Variants in NRXN3 observed in about 807,000 individuals in gnomAD.
The protein encoded by NRXN3 is neurexin 3.
NRXN3 carries 32 observed loss-of-function variants against 137.6 expected under a neutral mutation model. That is an observed-to-expected ratio of 0.23 (90% CI 0.18 to 0.31). The LOEUF (loss-of-function observed/expected upper bound fraction) is 0.31, where lower values mean the gene tolerates loss of function less well. Ranked by LOEUF, NRXN3 falls within the 10% of genes least tolerant of loss-of-function variation. The probability of loss-of-function intolerance (pLI) is 1.00; values close to 1 mark genes in which losing one functional copy is unlikely to be tolerated. For synonymous variants in NRXN3, 798 were observed against 784.5 expected (o/e 1.02, Z -0.29); for missense variants, 1,574 against 2,062.5 (o/e 0.76, Z 4.59).
chr14:78,882,169 A>C (rs994071098), intron 10 of NRXN3, among the ~76,000 whole-genome samples: 1 of 151,862 alleles, frequency 6.6e-6, no homozygotes, highest in African/African-American at 2.4e-5. Context: ...CTGGATGTCC[A>C]GGCAGAAGTC....
At chr14:79,617,690 C>T (rs1475021174) in intron 16 of NRXN3, among the ~76,000 whole-genome samples, 1 of 151,772 alleles carries the variant, frequency 6.6e-6, no homozygotes, top group Non-Finnish European at 1.5e-5. Context: ...TGACTAAAAC[C>T]AGTTGAGTTT....
At chr14:79,737,402 T>A (rs773977734) in intron 19 of NRXN3, among the ~76,000 whole-genome samples, 1 of 152,238 alleles carries the variant, frequency 6.6e-6, no homozygotes, top group South Asian at 2.1e-4. Context: ...AATTATCCAC[T>A]GTTAAATCTT....
At chr14:79,732,304 T>C (rs2154072730) in intron 19 of NRXN3, among the ~76,000 whole-genome samples, 1 of 152,260 alleles carries the variant, frequency 6.6e-6, no homozygotes, top group African/African-American at 2.4e-5. Context: ...ATCAATAAAC[T>C]CAATGTTTAC....
chr14:78,806,066 C>G (rs1246052768), intron 9 of NRXN3, among the ~76,000 whole-genome samples: 1 of 144,706 alleles, frequency 6.9e-6, no homozygotes, highest in Non-Finnish European at 1.5e-5. Context: ...TTTTTTTCCC[C>G]TTTGGCTTCT....
chr14:78,957,554 T>C (rs1292221677), intron 11 of NRXN3, among the ~76,000 whole-genome samples, 193 bp downstream of exon 11: 4 of 152,234 alleles, frequency 2.6e-5, no homozygotes, highest in Non-Finnish European at 5.9e-5. Context: ...TCAATGTGCG[T>C]TATGGAAATT....
chr14:79,513,142 A>G (rs1399112019), intron 16 of NRXN3, among the ~76,000 whole-genome samples: 2 of 152,234 alleles, frequency 1.3e-5, no homozygotes, highest in African/African-American at 4.8e-5. Flanking sequence ...TCAGTGAATC[A>G]TTAGTAATTC....
At position 79,867,366 on chromosome 14, in the gene NRXN3, A is replaced by G. The variant is rs72683315; in HGVS notation, c.*5402A>G. The G allele has an allele frequency of 0.27, 40,895 of 152,092 alleles. 6,724 individuals are homozygous for G. The highest frequency in any genetic ancestry group is 0.42 in the Admixed American group (6,488 of 15,284). 9.4% of individuals were successfully genotyped at this position (152,092 alleles called of 1,614,324 possible). A position where few individuals can be genotyped will look rare whatever the true frequency, so the allele number is the denominator to read the frequency against. On this transcript the variant is annotated 3_prime_UTR_variant, in exon 21 of 21. Coordinates refer to ENST00000335750, the MANE Select transcript of NRXN3 (RefSeq NM_001330195.2). Reference sequence around the variant, plus strand: ...ATGTATTTCTCAGTTCCAGAAACAAAGTTGCAGATCAAAGTTTGTTAGGGC... The same window carrying G: ...ATGTATTTCTCAGTTCCAGAAACAAGGTTGCAGATCAAAGTTTGTTAGGGC...
chr14:79,253,340 T>TG (rs560908987), intron 15 of NRXN3, among the ~76,000 whole-genome samples: 69 of 152,146 alleles, frequency 4.5e-4, no homozygotes, highest in Middle Eastern at 3.4e-3. Flanking sequence ...GCCAGTTCTG[T>TG]GGGGAATACA....
intron 10 of NRXN3, among the ~76,000 whole-genome samples, chr14:78,910,800 T>C (rs900581756): frequency 3.5e-4 from 53 of 152,174 alleles, no homozygotes; most frequent in African/African-American, 1.2e-3. Context: ...ACCAGAATCG[T>C]GCCTAGCATA....
In NRXN3 at chr14:78,571,671, G is replaced by GA. The variant is rs543792634; in HGVS notation, c.758-73444dup. On this transcript the variant is annotated intron_variant, in intron 4 of 20. Coordinates refer to ENST00000335750, the MANE Select transcript of NRXN3 (RefSeq NM_001330195.2). ...TGAAAAAGGTGTGGAGGTATGCAGG[G>GA]AAAAATCTCACATGCTTTTACCTAC... is the stretch of plus-strand genomic sequence containing the variant. Among the ~76,000 whole-genome samples the GA allele has an allele frequency of 3.3e-5, 5 of 152,162 alleles. No individual in the cohort carries two copies. The South Asian group carries it at 8.3e-4, about 25-fold the overall frequency.
At chr14:79,321,818 A>G (rs1284595848) in intron 15 of NRXN3, among the ~76,000 whole-genome samples, 2 of 148,958 alleles carry the variant, frequency 1.3e-5, no homozygotes, top group Non-Finnish European at 1.5e-5. Context: ...AAGCTACTAC[A>G]TATTAATAAA....
At chr14:78,645,937 T>A (rs1376957908) in intron 5 of NRXN3, among the ~76,000 whole-genome samples, 1 of 152,222 alleles carries the variant, frequency 6.6e-6, no homozygotes, top group Non-Finnish European at 1.5e-5. Context: ...ACTATTTTTT[T>A]CTTTTATGTT....
intron 19 of NRXN3, among the ~76,000 whole-genome samples, chr14:79,793,978 A>G (rs1322644315): frequency 2.6e-5 from 4 of 152,202 alleles, no homozygotes; most frequent in South Asian, 2.1e-4. Context: ...ATGCATGCAC[A>G]TTCTACCAAC....
intron 15 of NRXN3, among the ~76,000 whole-genome samples, chr14:79,341,822 T>C (rs2092624088): frequency 6.6e-6 from 1 of 152,226 alleles, no homozygotes; most frequent in African/African-American, 2.4e-5. Context: ...TCAATCTATG[T>C]GGCAGATCCA....
chr14:78,373,813 A>T (rs1043147576), intron 4 of NRXN3, among the ~76,000 whole-genome samples: 4 of 152,168 alleles, frequency 2.6e-5, no homozygotes, highest in Admixed American at 2.6e-4. Context: ...AGAACTCATC[A>T]CCCACATATA....
At chr14:78,494,426 G>GTTTTT (rs1047418197) in intron 4 of NRXN3, among the ~76,000 whole-genome samples, 6 of 134,982 alleles carry the variant, frequency 4.4e-5, no homozygotes, top group Admixed American at 2.2e-4. Flanking sequence ...GAGGTGTTTT[G>GTTTTT]TTTTTTTTTT....
At chr14:79,818,087 G>T (rs918784215) in intron 20 of NRXN3, among the ~76,000 whole-genome samples, 2 of 120,040 alleles carry the variant, frequency 1.7e-5, no homozygotes, top group South Asian at 2.8e-4. Context: ...ACGGAGTCTC[G>T]CTGTCACCCA....
intron 8 of NRXN3, among the ~76,000 whole-genome samples, chr14:78,790,272 C>A (rs2098801313): frequency 6.6e-6 from 1 of 152,086 alleles, no homozygotes; most frequent in Admixed American, 6.6e-5. Context: ...AGAGTACATG[C>A]CTGCTTTTCT....
intron 16 of NRXN3, among the ~76,000 whole-genome samples, chr14:79,481,366 G>T (rs1442173197): frequency 6.6e-6 from 1 of 152,134 alleles, no homozygotes; most frequent in Non-Finnish European, 1.5e-5. Flanking sequence ...GATATGTTCT[G>T]GGAAATGCCC....
Sources: gnomAD v4.1 joint callset for allele counts (sites outside exome capture counted in the v4.1 genomes callset) on GRCh38, gnomAD v4.1.1 for gene constraint, MANE v1.5 for transcripts, NCBI Gene and HGNC (gene_info 2026-07-23, HGNC 2026-07-21) for gene names.